SUCLG2: variants seen among roughly 807,000 people sequenced by gnomAD.
SUCLG2 encodes the protein succinate--CoA ligase [GDP-forming] subunit beta, mitochondrial.
In SUCLG2, 42 loss-of-function variants were observed where a neutral mutation model predicts 47.9. The ratio of observed to expected loss-of-function variants is 0.88; its 90% confidence interval spans 0.69 to 1.14. The LOEUF (loss-of-function observed/expected upper bound fraction) is 1.14. Ranked by LOEUF, SUCLG2 falls within the 50% of genes most tolerant of loss-of-function variation. SUCLG2 has a pLI of 0.00. For synonymous variants in SUCLG2, 195 were observed against 197.3 expected (o/e 0.99, Z 0.10); for missense variants, 571 against 525.9 (o/e 1.09, Z -0.84).
At chr3:67,548,457 C>G (rs1339439719) in intron 2 of SUCLG2, among the ~76,000 whole-genome samples, 2 of 152,140 alleles carry the variant, frequency 1.3e-5, no homozygotes, top group Non-Finnish European at 2.9e-5. Context: ...TGCATCAGTA[C>G]AGTTAAACTC....
chr3:67,545,954 G>C (rs1706852362), intron 2 of SUCLG2, among the ~76,000 whole-genome samples: 1 of 152,094 alleles, frequency 6.6e-6, no homozygotes, highest in Admixed American at 6.6e-5. Flanking sequence ...CTGTGAATTG[G>C]AACACTCATT....
At chr3:67,582,870 C>G (rs756272825) in intron 2 of SUCLG2, among the ~76,000 whole-genome samples, 17 of 150,770 alleles carry the variant, frequency 1.1e-4, no homozygotes, top group South Asian at 6.3e-4. Flanking sequence ...CCCTCCCCCA[C>G]CAAAAAAAAC....
intron 2 of SUCLG2, among the ~76,000 whole-genome samples, chr3:67,551,380 G>T (rs1211163807): frequency 2.6e-5 from 4 of 152,172 alleles, no homozygotes; most frequent in African/African-American, 4.8e-5. Context: ...CCTGTGTCTT[G>T]TCTTGCTTTT....
intron 10 of SUCLG2, among the ~76,000 whole-genome samples, chr3:67,379,830 G>C (rs1454638826): frequency 6.6e-6 from 1 of 152,202 alleles, no homozygotes; most frequent in African/African-American, 2.4e-5. Flanking sequence ...AACTAAAGCA[G>C]GGGCTGGTAC....
chr3:67,402,333 T>G (rs546089129), intron 9 of SUCLG2, among the ~76,000 whole-genome samples: 2 of 117,242 alleles, frequency 1.7e-5, no homozygotes, highest in South Asian at 5.5e-4. Context: ...CCTTTTTCAG[T>G]AGACTGCAGC....
chr3:67,425,240 A>C (rs746990037), intron 9 of SUCLG2, among the ~76,000 whole-genome samples: 2 of 152,190 alleles, frequency 1.3e-5, no homozygotes, highest in African/African-American at 2.4e-5. Context: ...CATACAGAAT[A>C]AGATCTGGGT....
chr3:67,653,568 A>G lies in SUCLG2; in HGVS notation c.84+935T>C, dbSNP rs186114150. 2.2e-4 allele frequency among the ~76,000 whole-genome samples: 33 copies of G among 152,342 alleles called. No homozygotes were observed. In the East Asian group the frequency reaches 6.2e-3, roughly 28 times the overall value. ...CTATGCACATCCTGGTTAAAATTGTATGAGTGATAATTTGCCTCTCATCAA... is the reference window on the plus strand; with the variant it reads ...CTATGCACATCCTGGTTAAAATTGTGTGAGTGATAATTTGCCTCTCATCAA... On this transcript the variant is annotated intron_variant, in intron 1 of 10. Coordinates refer to ENST00000307227, the MANE Select transcript of SUCLG2 (RefSeq NM_003848.4).
At chr3:67,367,520 AC>A (rs1167105879) in intron 10 of SUCLG2, among the ~76,000 whole-genome samples, 11 of 152,192 alleles carry the variant, frequency 7.2e-5, no homozygotes, top group African/African-American at 2.2e-4. Context: ...ACCCATATTT[AC>A]TATAGTAAAT....
chr3:67,508,384 G>C (rs549051885), intron 7 of SUCLG2, among the ~76,000 whole-genome samples: 1 of 152,242 alleles, frequency 6.6e-6, no homozygotes, highest in Admixed American at 6.5e-5. Flanking sequence ...AAAAAAATAA[G>C]GTGGAGAGAA....
chr3:67,483,300 A>T (rs1207373053), intron 9 of SUCLG2, among the ~76,000 whole-genome samples: 1 of 152,216 alleles, frequency 6.6e-6, no homozygotes, highest in Non-Finnish European at 1.5e-5. Flanking sequence ...GGTCAAGACA[A>T]GAGAAAGGAG....
intron 6 of SUCLG2, chr3:67,514,079 AC>A (rs1705873679): frequency 2.9e-6 from 1 of 342,132 alleles, no homozygotes; most frequent in African/African-American, 2.2e-5. Context: ...AAACAGCAGT[AC>A]TTGCTTCAGT....
rs144382072 is a variant in SUCLG2, at chr3:67,538,858, T to C, written c.227-9672A>G. Among the ~76,000 whole-genome samples the C allele has an allele frequency of 6.4e-3, 977 of 151,900 alleles. 9 individuals are homozygous for C. The highest frequency in any genetic ancestry group is 0.023 in the African/African-American group (940 of 41,172). On this transcript the variant is annotated intron_variant, in intron 2 of 10. Coordinates refer to ENST00000307227, the MANE Select transcript of SUCLG2 (RefSeq NM_003848.4). Reference sequence around the variant, plus strand: ...GTTCACTCATGATTTGGCTCTTTGTTTGTCTATTAATGGTGTATAGGAATG... The same window carrying C: ...GTTCACTCATGATTTGGCTCTTTGTCTGTCTATTAATGGTGTATAGGAATG...
At chr3:67,519,475 A>G (rs1706037412) in intron 5 of SUCLG2, among the ~76,000 whole-genome samples, 1 of 152,256 alleles carries the variant, frequency 6.6e-6, no homozygotes, top group Non-Finnish European at 1.5e-5. Context: ...AATATGCTAT[A>G]GGAACTTAAC....
rs1065401 is a variant in SUCLG2 at position 67,375,387 on chromosome 3, A to C, written c.*357T>G. On this transcript the variant is annotated 3_prime_UTR_variant, in exon 11 of 11. Coordinates refer to ENST00000307227, the MANE Select transcript of SUCLG2 (RefSeq NM_003848.4). The stretch of plus-strand genomic sequence containing the variant: ...TTTTTCTTTTTCATTATGTAGGATT[A>C]GATGCCCACCAAAATTCTTGTAAAT... 0.54 allele frequency: 540,522 copies of C among 992,812 alleles called. 147,974 individuals carry two copies. The highest frequency in any genetic ancestry group is 0.64 in the Middle Eastern group (1,253 of 1,962). 61.5% of individuals were successfully genotyped at this position (992,812 alleles called of 1,614,324 possible). A position where few individuals can be genotyped will look rare whatever the true frequency, so the allele number is the denominator to read the frequency against.
chr3:67,362,096 T>C lies in SUCLG2; in HGVS notation c.1184-1328A>G, dbSNP rs144279716. On this transcript the variant is annotated intron_variant, in intron 10 of 10. Coordinates refer to the SUCLG2 transcript ENST00000493112. The stretch of plus-strand genomic sequence containing the variant: ...GACTCATAAGCAAAATAAATGCTTA[T>C]TGTTACAAACCACTGAGTTTTGAGA... Among the ~76,000 whole-genome samples the C allele has an allele frequency of 3.3e-5, 5 of 152,342 alleles. No individual in the cohort carries two copies. The East Asian group carries it at 9.6e-4, about 29-fold the overall frequency.
rs541886454 is a variant in SUCLG2, at chr3:67,408,360, G to A, written c.1063-7509C>T. On this transcript the variant is annotated intron_variant, in intron 9 of 10. Coordinates refer to ENST00000307227, the MANE Select transcript of SUCLG2 (RefSeq NM_003848.4). ...AGGAAAAAAGAAATAATTTTAGTGA[G>A]TCCACGATCCTGCCTGAAAATCTCA... Among the ~76,000 whole-genome samples the A allele has an allele frequency of 3.9e-5, 6 of 152,250 alleles. No homozygotes were observed. In the East Asian group the frequency reaches 1.2e-3, roughly 29 times the overall value.
At chr3:67,496,003 A>G (rs1705330964) in intron 8 of SUCLG2, 63 bp from the exon 9 acceptor site, 1 of 1,597,436 alleles carries the variant, frequency 6.3e-7, no homozygotes, top group African/African-American at 1.3e-5. Context: ...GTCCATAAAC[A>G]TTTTCCCTCC....
intron 1 of SUCLG2, among the ~76,000 whole-genome samples, chr3:67,652,625 T>A (rs1701307396): frequency 6.6e-6 from 1 of 152,228 alleles, no homozygotes; most frequent in East Asian, 1.9e-4. Context: ...ATGACTTGGA[T>A]GTTATATAGT....
At chr3:67,498,535 C>A (rs920809041) in intron 7 of SUCLG2, among the ~76,000 whole-genome samples, 1 of 152,114 alleles carries the variant, frequency 6.6e-6, no homozygotes, top group Non-Finnish European at 1.5e-5. Flanking sequence ...GTTCTCATTT[C>A]AATAGAATAA....
Sources: allele counts gnomAD v4.1 joint callset (sites outside exome capture counted in the v4.1 genomes callset), GRCh38; gene constraint gnomAD v4.1.1; transcripts MANE v1.5; gene names NCBI Gene and HGNC (gene_info 2026-07-23, HGNC 2026-07-21).